The following FRYL variants were observed in gnomAD, a reference collection of about 807,000 sequenced individuals.
FRYL encodes the protein protein furry homolog-like.
A neutral mutation model predicts 351.2 loss-of-function variants in FRYL; 150 were observed. The observed-to-expected ratio is 0.43, with a 90% CI of 0.37 to 0.49. FRYL has a LOEUF of 0.49. FRYL is among the 20% of genes least tolerant of loss of function. The pLI, the probability that FRYL is intolerant of heterozygous loss-of-function variation, is 0.00. For synonymous variants in FRYL, 1,153 were observed against 1,257.1 expected, an observed-to-expected ratio of 0.92 and a Z score of 1.75; for missense variants, 3,036 against 3,619.3, an observed-to-expected ratio of 0.84 and a Z score of 4.13.
At chr4:48,605,672 AT>A in intron 11 of FRYL, 68 bp downstream of exon 11, 1 of 1,037,430 alleles carries the variant, frequency 9.6e-7, no homozygotes, top group Non-Finnish European at 1.5e-6. Flanking sequence ...AGGACAAAAA[AT>A]AAAAGTATAA....
At chr4:48,506,457 T>C (rs76495515) in intron 59 of FRYL, 1 of 151,486 alleles carries the variant, frequency 6.6e-6, no homozygotes, top group African/African-American at 2.4e-5. Context: ...CACCGTGGTA[T>C]AGTAGAAAAG....
At chr4:48,706,697 G>A (rs1767394900) in intron 2 of FRYL, among the ~76,000 whole-genome samples, 1 of 151,996 alleles carries the variant, frequency 6.6e-6, no homozygotes, top group Non-Finnish European at 1.5e-5. Context: ...CAAGTGTGAT[G>A]GGCTCCCACT....
intron 1 of FRYL, among the ~76,000 whole-genome samples, chr4:48,739,770 G>C (rs1174074599): frequency 1.3e-5 from 2 of 152,202 alleles, no homozygotes; most frequent in African/African-American, 4.8e-5. Context: ...CCTCGATGTG[G>C]TAGTATTGAG....
chr4:48,635,798 G>T (rs1289803018), intron 3 of FRYL, among the ~76,000 whole-genome samples: 2 of 152,214 alleles, frequency 1.3e-5, no homozygotes, highest in East Asian at 3.9e-4. Context: ...ACCTCAACCT[G>T]AACTCCAGAG....
intron 1 of FRYL, among the ~76,000 whole-genome samples, chr4:48,739,950 C>A (rs962096110): frequency 2.6e-5 from 4 of 152,202 alleles, no homozygotes; most frequent in Non-Finnish European, 5.9e-5. Context: ...TGAAACCCTG[C>A]ACCACCTTGG....
At chr4:48,584,438 C>T (rs1332229293) in intron 19 of FRYL, among the ~76,000 whole-genome samples, 1 of 152,184 alleles carries the variant, frequency 6.6e-6, no homozygotes, top group African/African-American at 2.4e-5. Context: ...TATAGCTAGA[C>T]AGACTGAGGA....
chr4:48,565,525 A>G lies in FRYL; in HGVS notation c.3330+6T>C. On this transcript the variant is annotated splice_donor_region_variant and intron_variant, in intron 29 of 63. Transcript: ENST00000358350. ...GAAAAAAGAAATCAGGTTTCTAAGT[A>G]AATACCTTTAACGCACAGTATTGAT... 6.5e-7 allele frequency: 1 copy of G among 1,541,206 alleles called. No individual in the cohort carries two copies. The highest frequency in any genetic ancestry group is 8.7e-7 in the Non-Finnish European group (1 of 1,148,154).
At chr4:48,705,045 C>T (rs1767166820) in intron 2 of FRYL, among the ~76,000 whole-genome samples, 3 of 152,000 alleles carry the variant, frequency 2.0e-5, no homozygotes, top group African/African-American at 7.2e-5. Flanking sequence ...TGCTTGAACC[C>T]AGGAGGTGGA....
intron 41 of FRYL, 105 bp from the exon 42 acceptor site, chr4:48,546,376 A>G (rs1731339289): frequency 2.4e-6 from 2 of 832,158 alleles, no homozygotes; most frequent in Non-Finnish European, 3.9e-6. Context: ...CACATGAGGC[A>G]ATCTGTCAGT....
intron 3 of FRYL, among the ~76,000 whole-genome samples, chr4:48,660,139 A>AT (rs1052926684): frequency 6.6e-6 from 1 of 152,030 alleles, no homozygotes; most frequent in African/African-American, 2.4e-5. Flanking sequence ...ACAATGTGGT[A>AT]TGTCAGATAC....
intron 2 of FRYL, among the ~76,000 whole-genome samples, chr4:48,709,959 C>G (rs559757468): frequency 2.0e-5 from 3 of 152,286 alleles, no homozygotes; most frequent in African/African-American, 7.2e-5. Context: ...TTAAAGGTCT[C>G]CCATTTCTGC....
At chr4:48,555,226 C>G (rs571110642) in intron 35 of FRYL, among the ~76,000 whole-genome samples, 1 of 152,276 alleles carries the variant, frequency 6.6e-6, no homozygotes, top group African/African-American at 2.4e-5. Context: ...CTAGTACTGA[C>G]TCTAACTCCC....
intron 50 of FRYL, 102 bp downstream of exon 50, chr4:48,531,054 A>G: frequency 1.3e-6 from 1 of 797,216 alleles, no homozygotes. Flanking sequence ...ATTGTCTAAC[A>G]CTGGGTATGA....
rs1021737914 is a variant in FRYL at position 48,606,689 on chromosome 4, T to A, written c.573-83A>T. 2.5e-5 allele frequency: 27 copies of A among 1,075,414 alleles called. No individual in the cohort carries two copies. The African/African-American group carries it at 4.1e-4, about 16-fold the overall frequency. 66.6% of individuals were successfully genotyped at this position (1,075,414 alleles called of 1,614,324 possible). Reference sequence around the variant, plus strand: ...ATATTTAAGGGTAAAAATCAAAAGGTATGCTACCTAAATATCATCTCCTTT... The same window carrying A: ...ATATTTAAGGGTAAAAATCAAAAGGAATGCTACCTAAATATCATCTCCTTT... On this transcript the variant is annotated intron_variant, in intron 9 of 63. Transcript: ENST00000358350.
intron 2 of FRYL, among the ~76,000 whole-genome samples, chr4:48,697,515 G>C (rs769890690): frequency 1.3e-5 from 2 of 151,934 alleles, no homozygotes; most frequent in African/African-American, 4.8e-5. Flanking sequence ...TTTTGGGATG[G>C]AGTCTCACTC....
At position 48,540,753 on chromosome 4, in the gene FRYL, T is replaced by G. The variant is rs1225285117; in HGVS notation, c.5895A>C (p.Gly1965=). ...RRSNTLDIMD[G]RINHSSSLAR... is the part of the protein sequence containing the mutation. Reference sequence around the variant, plus strand: ...CTAAACTACTGCTATGGTTTATCCGTCCATCCATTATATCCAGTGTGTTAC... The same window carrying G: ...CTAAACTACTGCTATGGTTTATCCGGCCATCCATTATATCCAGTGTGTTAC... The change falls in exon 46 of 64, where the codon GGA becomes GGC. Residue 1965 remains glycine, a synonymous_variant. Coordinates refer to ENST00000358350, the MANE Select transcript of FRYL (RefSeq NM_015030.2). 6.2e-7 allele frequency: 1 copy of G among 1,613,898 alleles called. No individual in the cohort carries two copies. The highest frequency in any genetic ancestry group is 1.3e-5 in the African/African-American group (1 of 74,934).
intron 13 of FRYL, among the ~76,000 whole-genome samples, chr4:48,599,575 TA>T (rs775895867): frequency 6.6e-6 from 1 of 152,250 alleles, no homozygotes; most frequent in East Asian, 1.9e-4. Context: ...CATGTTTTCT[TA>T]AAATATTCAG....
chr4:48,763,158 G>A (rs7657698), intron 1 of FRYL, among the ~76,000 whole-genome samples: 61,183 of 147,968 alleles, frequency 0.41, 13,880 homozygotes, highest in Admixed American at 0.55. Context: ...GAGAGATTTT[G>A]GATAAATTTA....
intron 12 of FRYL, 119 bp downstream of exon 12, chr4:48,603,171 G>T: frequency 1.4e-6 from 1 of 740,410 alleles, no homozygotes; most frequent in Non-Finnish European, 2.3e-6. Flanking sequence ...CCCTTGTATT[G>T]CACTTCAGGG....
Sources: allele counts gnomAD v4.1 joint callset (sites outside exome capture counted in the v4.1 genomes callset), GRCh38; gene constraint gnomAD v4.1.1; transcripts MANE v1.5; gene names NCBI Gene and HGNC (gene_info 2026-07-23, HGNC 2026-07-21).